The following FAM227A variants were observed in gnomAD, a reference collection of about 807,000 sequenced individuals.
The protein encoded by FAM227A is family with sequence similarity 227 member A.
FAM227A carries 80 observed loss-of-function variants against 74.7 expected under a neutral mutation model. The observed-to-expected ratio is 1.07, with a 90% CI of 0.89 to 1.29. The LOEUF is 1.29. Among genes scored for constraint, FAM227A ranks in the 50% most tolerant of loss-of-function variants. The pLI is 0.00. For missense variants in FAM227A, 654 were observed against 683.4 expected (o/e 0.96, Z 0.48); for synonymous variants, 237 against 241.8 (o/e 0.98, Z 0.19).
chr22:38,588,025 A>G (rs182849106), intron 16 of FAM227A, among the ~76,000 whole-genome samples: 1 of 152,306 alleles, frequency 6.6e-6, no homozygotes, highest in Non-Finnish European at 1.5e-5. Flanking sequence ...GATAATAAAC[A>G]ATCAGAAAAA....
Position 38,650,302 on chromosome 22 carries a change from CAAG to C in FAM227A, c.-94-43_-94-41del, listed in dbSNP as rs1334409876. 19 of 898,000 alleles carry C rather than the reference CAAG, an allele frequency of 2.1e-5. No homozygotes were observed. In the South Asian group the frequency reaches 2.4e-4, roughly 12 times the overall value. The allele number at this position is 898,000 out of a possible 1,614,324, so 55.6% of individuals were successfully genotyped here. ...CAGCATAGAGCCAGCTCAGAAAACA[CAAG>C]AAGAAAAGCCCAACCATGTTCCCCA... is the stretch of plus-strand genomic sequence containing the variant. On this transcript the variant is annotated intron_variant, in intron 1 of 16. Coordinates refer to ENST00000535113, the MANE Select transcript of FAM227A (RefSeq NM_001013647.2).
At chr22:38,611,973 C>T (rs1357840308) in intron 11 of FAM227A, among the ~76,000 whole-genome samples, 1 of 152,268 alleles carries the variant, frequency 6.6e-6, no homozygotes, top group Middle Eastern at 3.4e-3. Flanking sequence ...AAGCCGCACA[C>T]CTGGGAAGCA....
intron 3 of FAM227A, among the ~76,000 whole-genome samples, chr22:38,644,797 T>A (rs899426946): frequency 7.9e-5 from 12 of 152,142 alleles, no homozygotes; most frequent in South Asian, 2.1e-4. Flanking sequence ...CTCTAAAAAA[T>A]AAAGTTTAGG....
chr22:38,633,653 T>C (rs911146016), intron 6 of FAM227A, among the ~76,000 whole-genome samples: 2 of 152,196 alleles, frequency 1.3e-5, no homozygotes, highest in African/African-American at 4.8e-5. Flanking sequence ...GCAATTCTCC[T>C]GCCTCAGCCT....
chr22:38,640,899 G>C (rs2092100692), intron 3 of FAM227A, among the ~76,000 whole-genome samples: 1 of 152,034 alleles, frequency 6.6e-6, no homozygotes, highest in African/African-American at 2.4e-5. Context: ...TGTGTGCAGG[G>C]GTGTGTGTAT....
chr22:38,585,933 A>C lies in FAM227A; in HGVS notation c.*192T>G. On this transcript the variant is annotated 3_prime_UTR_variant, in exon 17 of 17. Coordinates refer to ENST00000535113, the MANE Select transcript of FAM227A (RefSeq NM_001013647.2). Reference sequence around the variant, plus strand: ...ATCTATGAATAAATGTAGTGACCCAAGCACCAACTCTCTACTCCTGCTTTT... The same window carrying C: ...ATCTATGAATAAATGTAGTGACCCACGCACCAACTCTCTACTCCTGCTTTT... 1 of 1,319,428 alleles carries C rather than the reference A, an allele frequency of 7.6e-7. No individual in the cohort carries two copies. Among genetic ancestry groups the C allele is most frequent in the Non-Finnish European group, 1.0e-6 (1 of 980,136 alleles). 81.7% of individuals were successfully genotyped at this position (1,319,428 alleles called of 1,614,324 possible).
chr22:38,635,141 C>T (rs773408363), intron 6 of FAM227A, among the ~76,000 whole-genome samples: 4 of 149,688 alleles, frequency 2.7e-5, no homozygotes, highest in South Asian at 2.1e-4. Context: ...GCAGGGGAAT[C>T]GCCTGAATCA....
intron 10 of FAM227A, 128 bp from the exon 11 acceptor site, chr22:38,620,419 A>C: frequency 1.5e-6 from 1 of 689,558 alleles, no homozygotes; most frequent in Non-Finnish European, 2.5e-6. Context: ...CTCTCTGTTG[A>C]CTCCACCTGC....
At chr22:38,618,226 C>T (rs974399541) in intron 11 of FAM227A, among the ~76,000 whole-genome samples, 25 of 152,188 alleles carry the variant, frequency 1.6e-4, no homozygotes, top group African/African-American at 6.0e-4. Flanking sequence ...ATTCCAGTTT[C>T]CATCTAAAAG....
chr22:38,601,882 C>T (rs2091186989), intron 13 of FAM227A, among the ~76,000 whole-genome samples: 1 of 151,858 alleles, frequency 6.6e-6, no homozygotes, highest in Non-Finnish European at 1.5e-5. Flanking sequence ...AAAGTCAAGT[C>T]CCGTTTTGGA....
rs1485580108 is a variant in FAM227A, at chr22:38,654,130, C to G, written c.-95+1990G>C. Reference sequence around the variant, plus strand: ...TTAGGAGGCCGAGGCAGGCGGATGACGAGGTCAGGAGATCCAGACCATCCT... The same window carrying G: ...TTAGGAGGCCGAGGCAGGCGGATGAGGAGGTCAGGAGATCCAGACCATCCT... On this transcript the variant is annotated intron_variant, in intron 1 of 16. Coordinates refer to ENST00000535113, the MANE Select transcript of FAM227A (RefSeq NM_001013647.2). Among the ~76,000 whole-genome samples, 5 of 151,342 alleles carry G rather than the reference C, an allele frequency of 3.3e-5. No homozygotes were observed. The East Asian group carries it at 7.9e-4, about 24-fold the overall frequency.
chr22:38,586,258 A>T (rs2090805906), intron 16 of FAM227A, 59 bp from the exon 17 acceptor site: 1 of 1,533,192 alleles, frequency 6.5e-7, no homozygotes, highest in African/African-American at 1.4e-5. Context: ...AATTTCTTCA[A>T]AGACTTTGCA....
rs2090676864 is a variant in FAM227A at position 38,578,133 on chromosome 22, C to T, written c.*7992G>A. 1 of 152,048 alleles carries T rather than the reference C, an allele frequency of 6.6e-6. No homozygotes were observed. The highest frequency in any genetic ancestry group is 1.5e-5 in the Non-Finnish European group (1 of 68,018). 9.4% of individuals were successfully genotyped at this position (152,048 alleles called of 1,614,324 possible). ...AAATAAAACATAAACCAGTAACAGT[C>T]ATTTATTACCATTACCCCAGTATTG... On this transcript the variant is annotated 3_prime_UTR_variant, in exon 17 of 17. Coordinates refer to ENST00000535113, the MANE Select transcript of FAM227A (RefSeq NM_001013647.2).
chr22:38,601,224 T>C (rs2091170060), intron 13 of FAM227A, among the ~76,000 whole-genome samples: 1 of 151,322 alleles, frequency 6.6e-6, no homozygotes. Flanking sequence ...CAGGCCAGGG[T>C]ATGGAGAGTG....
chr22:38,600,585 G>A lies in FAM227A; in HGVS notation c.1222-664C>T, dbSNP rs1187417992. The stretch of plus-strand genomic sequence containing the variant: ...ACTCCTGACCTCAGGTAATCTGCCC[G>A]CCTTGGCCTCCCAAAGTGCTTGGAT... On this transcript the variant is annotated intron_variant, in intron 13 of 16. Transcript: ENST00000535113. Among the ~76,000 whole-genome samples, 7 of 151,692 alleles carry A rather than the reference G, an allele frequency of 4.6e-5. No individual in the cohort carries two copies. The East Asian group carries it at 1.2e-3, about 25-fold the overall frequency.
chr22:38,599,753 G>C lies in FAM227A; in HGVS notation c.1379+11C>G, dbSNP rs527237423. On this transcript the variant is annotated intron_variant, in intron 14 of 16. Transcript: ENST00000535113. ...GAGCAGTGCGCACCCTGCCCACAGT[G>C]ACAAGGATATGGGGTGCTCGTGGTC... 1 of 1,548,744 alleles carries C rather than the reference G, an allele frequency of 6.5e-7. No individual in the cohort carries two copies. The highest frequency in any genetic ancestry group is 2.4e-5 in the East Asian group (1 of 40,860).
chr22:38,627,939 A>T (rs1334401953), intron 8 of FAM227A, among the ~76,000 whole-genome samples: 1 of 152,008 alleles, frequency 6.6e-6, no homozygotes, highest in Non-Finnish European at 1.5e-5. Context: ...CCCAGTGATA[A>T]GCATTGCTAA....
At chr22:38,596,847 A>C (rs555616294) in intron 15 of FAM227A, among the ~76,000 whole-genome samples, 24 of 152,192 alleles carry the variant, frequency 1.6e-4, no homozygotes, top group African/African-American at 5.8e-4. Flanking sequence ...CAACAGTATG[A>C]CTCTACACTA....
chr22:38,636,524 A>G lies in FAM227A; in HGVS notation c.446T>C (p.Leu149Pro). The G allele has an allele frequency of 6.4e-7, 1 of 1,551,726 alleles. No homozygotes were observed. Among genetic ancestry groups the G allele is most frequent in the Non-Finnish European group, 8.7e-7 (1 of 1,146,986 alleles). The change falls in exon 6 of 17, where the codon CTT (leucine) becomes CCT (proline). Residue 149 changes from leucine to proline, a missense_variant. Coordinates refer to ENST00000535113, the MANE Select transcript of FAM227A (RefSeq NM_001013647.2). ...GTCACAGAAGTCCACGCCATTCGGA[A>G]GCTTGTTTGGCTTGGAGCTGTTGAA... The part of the protein sequence containing the change: ...SNFNSSKPNK[L>P]PNGVDFCDMV...
Sources: gnomAD v4.1 joint callset for allele counts (sites outside exome capture counted in the v4.1 genomes callset) on GRCh38, gnomAD v4.1.1 for gene constraint, MANE v1.5 for transcripts, NCBI Gene and HGNC (gene_info 2026-07-23, HGNC 2026-07-21) for gene names.